The following TMCC3 variants were observed in gnomAD, a reference collection of about 807,000 sequenced individuals.
TMCC3 encodes the protein transmembrane and coiled-coil domain family 3.
TMCC3 carries 28 observed loss-of-function variants against 40.2 expected under a neutral mutation model. The observed-to-expected ratio is 0.70, with a 90% CI of 0.52 to 0.95. The LOEUF is 0.95. Ranked by LOEUF, TMCC3 falls within the 40% of genes least tolerant of loss-of-function variation. The probability of loss-of-function intolerance (pLI) is 0.00; values close to 1 mark genes in which losing one functional copy is unlikely to be tolerated. For synonymous variants in TMCC3, 255 were observed against 248.5 expected, an observed-to-expected ratio of 1.03 and a Z score of -0.25; for missense variants, 554 against 615.2, an observed-to-expected ratio of 0.90 and a Z score of 1.05.
intron 1 of TMCC3, among the ~76,000 whole-genome samples, chr12:94,632,089 T>C (rs1370584630): frequency 6.6e-6 from 1 of 152,180 alleles, no homozygotes; most frequent in Non-Finnish European, 1.5e-5. Context: ...TATACTGCAT[T>C]ATGAAAAAGC....
intron 3 of TMCC3, among the ~76,000 whole-genome samples, chr12:94,578,146 CAAAAAAA>C (rs1183420863): frequency 1.2e-3 from 41 of 34,866 alleles, no homozygotes; most frequent in Admixed American, 9.3e-3. Context: ...AGACTCACCT[CAAAAAAA>C]AAAAAAAAAA....
chr12:94,576,973 T>C (rs577245358), intron 3 of TMCC3, among the ~76,000 whole-genome samples: 3 of 152,298 alleles, frequency 2.0e-5, no homozygotes, highest in Admixed American at 6.5e-5. Flanking sequence ...TCCTTAAGAA[T>C]GACTTGCAAG....
intron 3 of TMCC3, among the ~76,000 whole-genome samples, chr12:94,577,408 T>C (rs1207394147): frequency 6.6e-6 from 1 of 152,140 alleles, no homozygotes; most frequent in Non-Finnish European, 1.5e-5. Context: ...CAGGATGGTC[T>C]CAATCTCCTG....
Position 94,610,443 on chromosome 12 carries a change from A to AT in TMCC3, c.79-27906dup, listed in dbSNP as rs1291853702. Among the ~76,000 whole-genome samples the AT allele has an allele frequency of 8.8e-3, 1,289 of 147,008 alleles. 26 individuals are homozygous for AT. The highest frequency in any genetic ancestry group is 0.029 in the African/African-American group (1,164 of 40,782). ...CTTAAGGCAGGCAAAAAAAAAAAAA[A>AT]TTTTTTTTTCAAGAGATATAAAGAA... On this transcript the variant is annotated intron_variant, in intron 1 of 3. Transcript: ENST00000261226.
intron 1 of TMCC3, among the ~76,000 whole-genome samples, chr12:94,611,052 C>T (rs1243149307): frequency 3.3e-5 from 5 of 152,088 alleles, no homozygotes; most frequent in African/African-American, 7.2e-5. Flanking sequence ...TTCATTAGCA[C>T]ACTTAAGATA....
intron 1 of TMCC3, chr12:94,598,468 C>A (rs1023038092): frequency 1.1e-5 from 5 of 448,548 alleles, no homozygotes; most frequent in African/African-American, 1.1e-4. Flanking sequence ...GAGGCAATTA[C>A]TGGAGATGTT....
chr12:94,625,775 A>T (rs2068901467), intron 1 of TMCC3, among the ~76,000 whole-genome samples: 1 of 152,218 alleles, frequency 6.6e-6, no homozygotes, highest in Admixed American at 6.5e-5. Context: ...GCCCTGCAGC[A>T]GTCACTACTG....
chr12:94,614,091 T>A (rs1441703148), intron 1 of TMCC3, among the ~76,000 whole-genome samples: 4 of 95,462 alleles, frequency 4.2e-5, no homozygotes, highest in African/African-American at 1.8e-4. Flanking sequence ...TGAGACTCCA[T>A]CTCCAGAAAA....
At chr12:94,650,161 C>G (rs901296572) in intron 1 of TMCC3, among the ~76,000 whole-genome samples, 192 bp downstream of exon 1, 16 of 152,192 alleles carry the variant, frequency 1.1e-4, no homozygotes, top group South Asian at 6.2e-4. Context: ...ATCCCAGAAC[C>G]GCAGCCTGGG....
chr12:94,637,674 C>T (rs2068967501), intron 1 of TMCC3, among the ~76,000 whole-genome samples: 1 of 152,056 alleles, frequency 6.6e-6, no homozygotes, highest in African/African-American at 2.4e-5. Flanking sequence ...CTCACATGTG[C>T]AAAAATAAGT....
chr12:94,606,759 G>T (rs1359469890), intron 1 of TMCC3, among the ~76,000 whole-genome samples: 3 of 152,074 alleles, frequency 2.0e-5, no homozygotes, highest in Admixed American at 1.3e-4. Context: ...AAAAGGGGAG[G>T]GGGTGTACGA....
chr12:94,568,249 T>C lies in TMCC3; in HGVS notation c.*3186A>G, dbSNP rs1594259253. The C allele has an allele frequency of 6.6e-6, 1 of 151,254 alleles. No individual in the cohort carries two copies. Among genetic ancestry groups the C allele is most frequent in the Non-Finnish European group, 1.5e-5 (1 of 67,902 alleles). 9.4% of individuals were successfully genotyped at this position (151,254 alleles called of 1,614,324 possible). ...GGAGTACTTTTTTGCTGTTTCATTA[T>C]GGATTTCCATTTTTTTTTTTTTTTT... On this transcript the variant is annotated 3_prime_UTR_variant, in exon 4 of 4. Transcript: ENST00000261226.
At position 94,582,160 on chromosome 12, in the gene TMCC3, T is replaced by C. The variant is rs755958512; in HGVS notation, c.457A>G (p.Lys153Glu). 24 of 1,614,052 alleles carry C rather than the reference T, an allele frequency of 1.5e-5. No homozygotes were observed. The highest frequency in any genetic ancestry group is 2.0e-5 in the Non-Finnish European group (24 of 1,180,046). The stretch of plus-strand genomic sequence containing the variant: ...TTCAGGTGGTCTTTGGAAATGTCCT[T>C]TGAGCTCCTAGAGGCTCCATTCTGC... ...IEQNGASRSS[K>E]DISKDHLKDI... Residue 153 changes from lysine (K) to glutamate (E), a missense_variant, in exon 2 of 4, where the codon AAG becomes GAG. Lys to Glu is a moderately conservative substitution (Grantham distance 56). Transcript: ENST00000261226.
At chr12:94,623,387 G>C (rs1309488536) in intron 1 of TMCC3, among the ~76,000 whole-genome samples, 1 of 152,114 alleles carries the variant, frequency 6.6e-6, no homozygotes, top group Non-Finnish European at 1.5e-5. Context: ...GGCAGATGAG[G>C]GACCAAGGCT....
intron 1 of TMCC3, chr12:94,616,545 C>G (rs999246770): frequency 6.6e-6 from 1 of 152,306 alleles, no homozygotes; most frequent in Non-Finnish European, 1.5e-5. Flanking sequence ...CGCAGCGAGG[C>G]GTGCTGGGGA....
intron 3 of TMCC3, among the ~76,000 whole-genome samples, chr12:94,574,660 C>G (rs573845222): frequency 6.6e-5 from 10 of 152,302 alleles, no homozygotes; most frequent in African/African-American, 2.2e-4. Flanking sequence ...TACTAGGCTA[C>G]CAACGAAAAG....
At chr12:94,583,750 T>C (rs1016834353) in intron 1 of TMCC3, among the ~76,000 whole-genome samples, 6 of 152,162 alleles carry the variant, frequency 3.9e-5, no homozygotes, top group African/African-American at 1.4e-4. Context: ...TTCATAAACA[T>C]GTAGACACCA....
chr12:94,647,878 G>A lies in TMCC3; in HGVS notation c.78+2475C>T, dbSNP rs76587911. Reference sequence around the variant, plus strand: ...ACTTGAAATTACATCAACCCTGCTTGAGAAAAGTTATTATTATGAGTTTAC... The same window carrying A: ...ACTTGAAATTACATCAACCCTGCTTAAGAAAAGTTATTATTATGAGTTTAC... On this transcript the variant is annotated intron_variant, in intron 1 of 3. Coordinates refer to ENST00000261226, the MANE Select transcript of TMCC3 (RefSeq NM_020698.4). Among the ~76,000 whole-genome samples the A allele has an allele frequency of 3.2e-3, 492 of 152,304 alleles. 3 individuals are homozygous for A. Among genetic ancestry groups the A allele is most frequent in the African/African-American group, 0.011 (440 of 41,562 alleles).
At chr12:94,598,658 G>A (rs535078824) in intron 1 of TMCC3, 1 of 985,336 alleles carries the variant, frequency 1.0e-6, no homozygotes, top group Admixed American at 6.1e-5. Context: ...GCTCCAGCAG[G>A]TTCTACAGTC....
Sources: gnomAD v4.1 joint callset for allele counts (sites outside exome capture counted in the v4.1 genomes callset) on GRCh38, gnomAD v4.1.1 for gene constraint, MANE v1.5 for transcripts, NCBI Gene and HGNC (gene_info 2026-07-23, HGNC 2026-07-21) for gene names.